Variants in ARHGEF10 observed in about 807,000 individuals in gnomAD.
ARHGEF10 encodes the protein Rho guanine nucleotide exchange factor 10, also known as Rho guanine nucleotide exchange factor (GEF) 10.
A neutral mutation model predicts 147.4 loss-of-function variants in ARHGEF10; 140 were observed. The ratio of observed to expected loss-of-function variants is 0.95; its 90% CI spans 0.83 to 1.09. ARHGEF10 has a LOEUF of 1.09. Among genes scored for constraint, ARHGEF10 ranks in the 50% least tolerant of loss-of-function variants. The pLI is 0.00. For missense variants in ARHGEF10, 2,222 were observed against 1,752.7 expected (o/e 1.27, Z -4.78); for synonymous variants, 902 against 695.8 (o/e 1.30, Z -4.67).
intron 10 of ARHGEF10, among the ~76,000 whole-genome samples, chr8:1,883,093 C>A (rs569590251): frequency 1.3e-5 from 2 of 152,302 alleles, no homozygotes; most frequent in East Asian, 3.9e-4. Context: ...GGCATGGTCC[C>A]GCAGGGACTG....
intron 26 of ARHGEF10, among the ~76,000 whole-genome samples, chr8:1,942,875 G>C (rs1814222851): frequency 6.6e-6 from 1 of 152,200 alleles, no homozygotes; most frequent in Non-Finnish European, 1.5e-5. Context: ...TGAAATGTCA[G>C]AACAGGCAAA....
intron 18 of ARHGEF10, among the ~76,000 whole-genome samples, chr8:1,914,706 G>A (rs1811625404): frequency 6.6e-6 from 1 of 152,224 alleles, no homozygotes; most frequent in African/African-American, 2.4e-5. Context: ...TGCGTCATCT[G>A]AACGTTGTAC....
chr8:1,873,138 AT>A (rs2129101120), intron 7 of ARHGEF10, among the ~76,000 whole-genome samples: 1 of 152,244 alleles, frequency 6.6e-6, no homozygotes, highest in South Asian at 2.1e-4. Context: ...TGGACCGGCC[AT>A]CCATAGCGGT....
At chr8:1,823,842 G>C (rs1042950917), upstream of ARHGEF10, 2 of 151,906 alleles carry the variant, frequency 1.3e-5, no homozygotes, top group Non-Finnish European at 2.9e-5. Flanking sequence ...CGAGAAACCG[G>C]CAGGCTCTGC....
intron 27 of ARHGEF10, among the ~76,000 whole-genome samples, chr8:1,950,065 A>T (rs1459376564): frequency 6.6e-6 from 1 of 152,154 alleles, no homozygotes; most frequent in Non-Finnish European, 1.5e-5. Context: ...CGGAGTCACC[A>T]TCCAGCAGCC....
chr8:1,921,522 G>A (rs1374990568), intron 18 of ARHGEF10, among the ~76,000 whole-genome samples: 1 of 152,184 alleles, frequency 6.6e-6, no homozygotes, highest in Non-Finnish European at 1.5e-5. Context: ...GAGGTCAGGA[G>A]TTCGAGACCA....
At chr8:1,874,205 T>C (rs1197209745) in intron 7 of ARHGEF10, among the ~76,000 whole-genome samples, 1 of 152,188 alleles carries the variant, frequency 6.6e-6, no homozygotes, top group Non-Finnish European at 1.5e-5. Context: ...AGTTCCGTGT[T>C]TGCTGGGGGT....
intron 18 of ARHGEF10, among the ~76,000 whole-genome samples, chr8:1,918,019 C>T (rs1415577328): frequency 6.6e-6 from 1 of 151,986 alleles, no homozygotes; most frequent in Non-Finnish European, 1.5e-5. Flanking sequence ...AACTCCTGAC[C>T]TCAGGTGATC....
At chr8:1,942,292 CA>C (rs1328482729) in intron 26 of ARHGEF10, among the ~76,000 whole-genome samples, 6 of 150,580 alleles carry the variant, frequency 4.0e-5, no homozygotes, top group African/African-American at 1.5e-4. Context: ...CTATTAAAGG[CA>C]AGGGAACTGA....
At chr8:1,879,994 C>A in intron 8 of ARHGEF10, 54 bp from the exon 9 acceptor site, 1 of 1,301,458 alleles carries the variant, frequency 7.7e-7, no homozygotes, top group Non-Finnish European at 1.1e-6. Context: ...AAAATTGTCC[C>A]AAAGAACCAA....
Position 1,860,112 on chromosome 8 carries a change from T to C in ARHGEF10, c.409T>C (p.Ser137Pro), listed in dbSNP as rs1563190658. The C allele has an allele frequency of 1.2e-6, 2 of 1,613,948 alleles. No homozygotes were observed. The highest frequency in any genetic ancestry group is 2.7e-5 in the African/African-American group (2 of 74,962). Residue 137 changes from serine to proline, a missense_variant, in exon 4 of 29, where the codon TCC becomes CCC. By Grantham distance (74) the Ser-to-Pro change is moderately conservative. Coordinates refer to ENST00000349830, the MANE Select transcript of ARHGEF10 (RefSeq NM_014629.4). ...VPVPCGYAVP[S>P]NLPLLLPAYS... ...TGTACCCTGCGGCTATGCGGTGCCC[T>C]CCAACCTGCCCCTCCTGCTGCCCGC...
chr8:1,856,051 C>T (rs544461036), intron 2 of ARHGEF10, among the ~76,000 whole-genome samples: 1 of 152,242 alleles, frequency 6.6e-6, no homozygotes, highest in African/African-American at 2.4e-5. Flanking sequence ...CAGCTCTCCC[C>T]CTGCTTCGAT....
In ARHGEF10 at chr8:1,957,200, G is replaced by A; in HGVS notation, c.3972G>A (p.Gln1324=). The A allele has an allele frequency of 6.2e-7, 1 of 1,612,298 alleles. No individual in the cohort carries two copies. Among genetic ancestry groups the A allele is most frequent in the Non-Finnish European group, 8.5e-7 (1 of 1,179,958 alleles). ...GHRRVHRKAR[Q]PHQEELAPTV... is the part of the protein sequence containing the mutation. ...GCCGGGTGCACAGGAAGGCCCGGCA[G>A]CCCCACCAGGAAGAGCTGGCGCCGA... The change falls in exon 29 of 29, where the codon CAG becomes CAA. Residue 1324 remains glutamine, a synonymous_variant. Coordinates refer to ENST00000349830, the MANE Select transcript of ARHGEF10 (RefSeq NM_014629.4).
chr8:1,897,417 T>C (rs1292905505), intron 14 of ARHGEF10, among the ~76,000 whole-genome samples: 1 of 150,070 alleles, frequency 6.7e-6, no homozygotes, highest in Non-Finnish European at 1.5e-5. Context: ...AGCTGTGGGC[T>C]CTGTCCTAAG....
chr8:1,944,915 G>A (rs562247874), intron 26 of ARHGEF10, among the ~76,000 whole-genome samples: 107 of 152,376 alleles, frequency 7.0e-4, no homozygotes, highest in Non-Finnish European at 1.4e-3. Flanking sequence ...CCAGGCCCAG[G>A]CACCCGTGGG....
chr8:1,943,140 G>A lies in ARHGEF10; in HGVS notation c.3223-2341G>A, dbSNP rs186638259. On this transcript the variant is annotated intron_variant, in intron 26 of 28. Transcript: ENST00000349830. ...GAAGTTAGCCTGAAGCAATGGCTGC[G>A]GGGAGCGGCCTGCCTAGCACAGGCA... 2.0e-3 allele frequency among the ~76,000 whole-genome samples: 312 copies of A among 152,350 alleles called. 2 individuals are homozygous for A. The highest frequency in any genetic ancestry group is 7.3e-3 in the African/African-American group (302 of 41,594).
intron 7 of ARHGEF10, among the ~76,000 whole-genome samples, chr8:1,875,789 T>G (rs902168097): frequency 6.6e-6 from 1 of 152,228 alleles, no homozygotes; most frequent in Non-Finnish European, 1.5e-5. Context: ...GTTACTTATG[T>G]GCTGAGATGT....
intron 1 of ARHGEF10, among the ~76,000 whole-genome samples, chr8:1,832,631 C>CAGAGGCAGAG (rs750053648): frequency 2.1e-5 from 1 of 47,448 alleles, no homozygotes; most frequent in Admixed American, 1.9e-4. Flanking sequence ...CAGAGAGAGA[C>CAGAGGCAGAG]AGAGGCAGAG....
chr8:1,866,446 C>T, intron 5 of ARHGEF10, 80 bp from the exon 6 acceptor site: 2 of 1,125,026 alleles, frequency 1.8e-6, no homozygotes, highest in Non-Finnish European at 1.4e-6. Context: ...CACACACACA[C>T]ACACTCTGCA....
Sources: allele counts gnomAD v4.1 joint callset (sites outside exome capture counted in the v4.1 genomes callset), GRCh38; gene constraint gnomAD v4.1.1; transcripts MANE v1.5; gene names NCBI Gene and HGNC (gene_info 2026-07-23, HGNC 2026-07-21).